COL5A1: variants seen among roughly 807,000 people sequenced by gnomAD.
COL5A1 encodes the protein collagen alpha-1(V) chain.
COL5A1 carries 16 observed loss-of-function variants against 263.7 expected under a neutral mutation model. The ratio of observed to expected loss-of-function variants is 0.06; its 90% confidence interval spans 0.04 to 0.09. The LOEUF (loss-of-function observed/expected upper bound fraction) is 0.09, where lower values mean the gene tolerates loss of function less well. Among genes scored for constraint, COL5A1 ranks in the 10% least tolerant of loss-of-function variants. The pLI is 1.00. For synonymous variants in COL5A1, 1,012 were observed against 1,004.5 expected (o/e 1.01, Z -0.14); for missense variants, 2,036 against 2,540.5 (o/e 0.80, Z 4.27).
At chr9:134,760,110 A>C in intron 18 of COL5A1, among the ~76,000 whole-genome samples, 1 of 113,060 alleles carries the variant, frequency 8.8e-6, no homozygotes, top group African/African-American at 3.5e-5. Flanking sequence ...CCCCACACTC[A>C]TACACGCCCA....
intron 6 of COL5A1, among the ~76,000 whole-genome samples, chr9:134,729,816 A>G (rs3124307): frequency 0.28 from 28,353 of 99,878 alleles, 5,790 homozygotes; most frequent in Admixed American, 0.47. Context: ...GCGTGTGTGC[A>G]TGCGGGCACG....
In COL5A1 at chr9:134,834,442, G is replaced by A. The variant is rs890021046; in HGVS notation, c.5137-529G>A. Among the ~76,000 whole-genome samples, 3 of 152,208 alleles carry A rather than the reference G, an allele frequency of 2.0e-5. No homozygotes were observed. The South Asian group carries it at 6.2e-4, about 31-fold the overall frequency. ...CGTGCAGGGAGAGCAGCTGCAGCTG[G>A]CACTGCAGTGGGTGCTGGCCCAGGA... On this transcript the variant is annotated intron_variant, in intron 64 of 65. Coordinates refer to ENST00000371817, the MANE Select transcript of COL5A1 (RefSeq NM_000093.5).
chr9:134,733,029 G>A (rs1834958724), intron 9 of COL5A1, among the ~76,000 whole-genome samples: 1 of 152,206 alleles, frequency 6.6e-6, no homozygotes. Flanking sequence ...GGCCCACCCT[G>A]CCATGTTGTC....
At chr9:134,772,914 G>A (rs1363344067) in intron 26 of COL5A1, 80 bp downstream of exon 26, 1 of 1,413,526 alleles carries the variant, frequency 7.1e-7, no homozygotes, top group Non-Finnish European at 1.0e-6. Context: ...CCTCTGCTCA[G>A]GGACATCCAG....
rs552690503 is a variant in COL5A1, at chr9:134,742,174, G to C, written c.1494+3366G>C. Among the ~76,000 whole-genome samples, 206 of 152,300 alleles carry C rather than the reference G, an allele frequency of 1.4e-3. No individual in the cohort carries two copies. The highest frequency in any genetic ancestry group is 4.8e-3 in the African/African-American group (201 of 41,568). On this transcript the variant is annotated intron_variant, in intron 11 of 65. Coordinates refer to ENST00000371817, the MANE Select transcript of COL5A1 (RefSeq NM_000093.5). This position sits in a 1 kb window ranked among gnomAD's most constrained non-coding sequence, Gnocchi z 4.6. ...TGCACACTCTCCCGCTGCTCCCCTT[G>C]GATGACCTTCCATGCTGCATCTGCC...
chr9:134,732,303 A>G, intron 9 of COL5A1, 176 bp downstream of exon 9: 1 of 709,614 alleles, frequency 1.4e-6, no homozygotes, highest in Non-Finnish European at 2.6e-6. Flanking sequence ...GGACTTGTGA[A>G]GAATCCCCTT....
chr9:134,818,166 C>T lies in COL5A1; in HGVS notation c.4230+335C>T, dbSNP rs771560621. Among the ~76,000 whole-genome samples the T allele has an allele frequency of 4.6e-5, 7 of 152,302 alleles. No individual in the cohort carries two copies. Among genetic ancestry groups the T allele is most frequent in the East Asian group, 1.9e-4 (1 of 5,170 alleles). ...GTCTTTGAGTCGGCCAGACCTGAGC[C>T]GCCTACCTCTGAAGTGGACCGTGTC... is the stretch of plus-strand genomic sequence containing the variant. On this transcript the variant is annotated intron_variant, in intron 54 of 65. Coordinates refer to ENST00000371817, the MANE Select transcript of COL5A1 (RefSeq NM_000093.5). This position sits in a 1 kb window ranked among gnomAD's most constrained non-coding sequence, Gnocchi z 6.0.
intron 1 of COL5A1, among the ~76,000 whole-genome samples, chr9:134,683,808 C>A (rs181505803): frequency 6.6e-6 from 1 of 152,206 alleles, no homozygotes; most frequent in South Asian, 2.1e-4. Flanking sequence ...CCTGGGGCGC[C>A]GGCACCCGGT....
rs183724112 is a variant in COL5A1 at position 134,672,528 on chromosome 9, G to T, written c.110-18384G>T. 1.3e-4 allele frequency among the ~76,000 whole-genome samples: 20 copies of T among 152,212 alleles called. No homozygotes were observed. The East Asian group carries it at 3.9e-3, about 29-fold the overall frequency. On this transcript the variant is annotated intron_variant, in intron 1 of 65. Transcript: ENST00000371817. ...TGATGAGCAAATCTCAATAAATTAG[G>T]AATAAAAGAGAAGCCCCTCAATTTG... is the stretch of plus-strand genomic sequence containing the variant.
In COL5A1 at chr9:134,756,754, C is replaced by A; in HGVS notation, c.1828-11C>A. 6.2e-7 allele frequency: 1 copy of A among 1,614,046 alleles called. No homozygotes were observed. The highest frequency in any genetic ancestry group is 8.5e-7 in the Non-Finnish European group (1 of 1,179,994). On this transcript the variant is annotated splice_polypyrimidine_tract_variant and intron_variant, in intron 16 of 65. Transcript: ENST00000371817. ...TCTTTTGCATTGACGGTTTTGCCTC[C>A]TTTGTTCCAGGGTCGGGCTGGGAGT...
intron 1 of COL5A1, among the ~76,000 whole-genome samples, chr9:134,662,038 C>T (rs541652917): frequency 6.6e-5 from 10 of 151,948 alleles, no homozygotes; most frequent in African/African-American, 1.4e-4. Flanking sequence ...TGTTGGCTTC[C>T]GTAATCCAGC....
Position 134,821,689 on chromosome 9 carries a change from G to A in COL5A1, c.4555-408G>A, listed in dbSNP as rs1010829306. On this transcript the variant is annotated intron_variant, in intron 58 of 65. Transcript: ENST00000371817. This position sits in a 1 kb window ranked among gnomAD's most constrained non-coding sequence, Gnocchi z 4.2. ...GGGACTCCCTGCCCAACCCCTCCGG[G>A]CTTAGTTCTAGAGGGGAGACTAACA... Among the ~76,000 whole-genome samples the A allele has an allele frequency of 6.6e-6, 1 of 152,334 alleles. No homozygotes were observed. Among genetic ancestry groups the A allele is most frequent in the Admixed American group, 6.5e-5 (1 of 15,308 alleles).
At chr9:134,690,327 G>T (rs1406847554) in intron 1 of COL5A1, among the ~76,000 whole-genome samples, 1 of 152,206 alleles carries the variant, frequency 6.6e-6, no homozygotes, top group African/African-American at 2.4e-5. Context: ...GGATAAACTA[G>T]GCCAGTGACA....
At chr9:134,823,515 A>G in intron 61 of COL5A1, 46 bp downstream of exon 61, 1 of 1,594,964 alleles carries the variant, frequency 6.3e-7, no homozygotes. Flanking sequence ...GGCTCTGGCT[A>G]GCTCCGAGGG....
Position 134,686,049 on chromosome 9 carries a change from A to T in COL5A1, c.110-4863A>T, listed in dbSNP as rs1833070323. On this transcript the variant is annotated intron_variant, in intron 1 of 65. Coordinates refer to ENST00000371817, the MANE Select transcript of COL5A1 (RefSeq NM_000093.5). The surrounding 1 kb of genome is among the most constrained non-coding windows in gnomAD (Gnocchi z 4.6). ...TCATCCATCTATCCACCATTCATTT[A>T]TCCACTATCCATCCATTCATCCGTC... Among the ~76,000 whole-genome samples the T allele has an allele frequency of 6.6e-6, 1 of 152,038 alleles. No individual in the cohort carries two copies. Among genetic ancestry groups the T allele is most frequent in the African/African-American group, 2.4e-5 (1 of 41,388 alleles).
At chr9:134,766,421 G>A (rs2132727407) in intron 21 of COL5A1, 33 bp from the exon 22 acceptor site, 2 of 1,612,168 alleles carry the variant, frequency 1.2e-6, no homozygotes, top group Non-Finnish European at 1.7e-6. Context: ...TTCGCATTCA[G>A]TTACATGTTT....
intron 27 of COL5A1, among the ~76,000 whole-genome samples, chr9:134,777,018 T>C (rs893190448): frequency 6.6e-6 from 1 of 152,198 alleles, no homozygotes; most frequent in African/African-American, 2.4e-5. Flanking sequence ...GCCTCAGGTA[T>C]TGGGGTTCAC....
rs1835992934 is a variant in COL5A1 at position 134,756,816 on chromosome 9, A to C, written c.1879A>C (p.Lys627Gln). Residue 627 changes from lysine to glutamine, a missense_variant and splice_region_variant, in exon 17 of 66, where the codon AAG becomes CAG. Lys to Gln is a moderately conservative substitution (Grantham distance 53). This residue lies in a region of COL5A1 where 1,078 missense variants were observed against 1,521.4 expected (regional missense o/e 0.71). Transcript: ENST00000371817. ...AGGAATGCCTGGACAAACTGGCCCC[A>C]AGGTAGGTCACCCACCACCCTCCTG... ...ARGMPGQTGPKGDRGFDGLAG... is the reference protein window; with the variant it reads ...ARGMPGQTGPQGDRGFDGLAG... 1 of 1,613,884 alleles carries C rather than the reference A, an allele frequency of 6.2e-7. No individual in the cohort carries two copies. Among genetic ancestry groups the C allele is most frequent in the Non-Finnish European group, 8.5e-7 (1 of 1,179,962 alleles).
intron 5 of COL5A1, among the ~76,000 whole-genome samples, chr9:134,728,060 C>G (rs958317578): frequency 1.3e-5 from 2 of 152,264 alleles, no homozygotes; most frequent in African/African-American, 4.8e-5. Flanking sequence ...CTCCTTGGGT[C>G]TTCCTTCTTT....
Sources: gnomAD v4.1 joint callset for allele counts (sites outside exome capture counted in the v4.1 genomes callset) on GRCh38, gnomAD v4.1.1 for gene constraint, gnomAD v4.1.1 regional missense constraint, Gnocchi (gnomAD v3.1) non-coding constraint, MANE v1.5 for transcripts, NCBI Gene and HGNC (gene_info 2026-07-23, HGNC 2026-07-21) for gene names.